PLXNA4: variants seen among roughly 807,000 people sequenced by gnomAD.
PLXNA4 encodes the protein plexin-A4.
Under a neutral mutation model 191.8 loss-of-function variants are expected in PLXNA4, and 44 were observed. The ratio of observed to expected loss-of-function variants is 0.23; its 90% CI spans 0.18 to 0.29. PLXNA4 has a LOEUF of 0.29. PLXNA4 is among the 10% of genes least tolerant of loss of function. The probability of loss-of-function intolerance (pLI) is 1.00; values close to 1 mark genes in which losing one functional copy is unlikely to be tolerated. For missense variants in PLXNA4, 1,800 were observed against 2,488.8 expected, an observed-to-expected ratio of 0.72 and a Z score of 5.89; for synonymous variants, 1,082 against 1,009.5, an observed-to-expected ratio of 1.07 and a Z score of -1.36.
At chr7:132,278,931 G>A (rs1350804530) in intron 4 of PLXNA4, among the ~76,000 whole-genome samples, 5 of 152,138 alleles carry the variant, frequency 3.3e-5, no homozygotes, top group Admixed American at 3.3e-4. Flanking sequence ...AGGGCTTCAG[G>A]CAAGGAGAGG....
At chr7:132,213,604 C>G (rs1365817477) in intron 9 of PLXNA4, among the ~76,000 whole-genome samples, 1 of 152,152 alleles carries the variant, frequency 6.6e-6, no homozygotes, top group African/African-American at 2.4e-5. Flanking sequence ...ATGTGGCACA[C>G]AGAGGAAAGA....
At chr7:132,352,898 G>A (rs547530519) in intron 3 of PLXNA4, among the ~76,000 whole-genome samples, 4 of 152,020 alleles carry the variant, frequency 2.6e-5, no homozygotes, top group African/African-American at 9.7e-5. Flanking sequence ...AGTCAAGTAC[G>A]TTGCAAAATA....
chr7:132,364,027 G>A (rs1804055578), intron 3 of PLXNA4, among the ~76,000 whole-genome samples: 1 of 152,224 alleles, frequency 6.6e-6, no homozygotes, highest in Non-Finnish European at 1.5e-5. Flanking sequence ...CACTCGTCTG[G>A]TGTGGTCCCT....
intron 2 of PLXNA4, among the ~76,000 whole-genome samples, chr7:132,613,587 C>T (rs1803094605): frequency 6.6e-6 from 1 of 152,132 alleles, no homozygotes; most frequent in Non-Finnish European, 1.5e-5. Flanking sequence ...ACAGTGTGCT[C>T]CTGTGGTGTG....
chr7:132,526,619 C>A (rs1046371073), intron 1 of PLXNA4, among the ~76,000 whole-genome samples: 2 of 152,200 alleles, frequency 1.3e-5, no homozygotes, highest in South Asian at 2.1e-4. Context: ...GTACTCCTGG[C>A]GCCCCTGTTG....
chr7:132,319,554 T>G (rs982292573), intron 3 of PLXNA4, among the ~76,000 whole-genome samples: 9 of 152,182 alleles, frequency 5.9e-5, no homozygotes, highest in Admixed American at 5.9e-4. Flanking sequence ...TCCTTGTAAT[T>G]TATAATTCTC....
In PLXNA4 at chr7:132,231,738, C is replaced by A. The variant is rs538344784; in HGVS notation, c.1605-3269G>T. On this transcript the variant is annotated intron_variant, in intron 5 of 31. Transcript: ENST00000321063. Reference sequence around the variant, plus strand: ...CCATGCCCAGCCCAGAACCACACATCTTCTCCATGACTGGCCCTTGGGGCA... The same window carrying A: ...CCATGCCCAGCCCAGAACCACACATATTCTCCATGACTGGCCCTTGGGGCA... 5.1e-4 allele frequency among the ~76,000 whole-genome samples: 77 copies of A among 152,352 alleles called. 1 individual carries two copies. In the Middle Eastern group the frequency reaches 0.014, roughly 27 times the overall value.
At chr7:132,271,628 G>T (rs903684151) in intron 4 of PLXNA4, among the ~76,000 whole-genome samples, 2 of 152,056 alleles carry the variant, frequency 1.3e-5, no homozygotes, top group Admixed American at 6.6e-5. Flanking sequence ...GATAATCAGA[G>T]TTCTATGTAT....
At chr7:132,502,664 A>C (rs1460911496) in intron 2 of PLXNA4, among the ~76,000 whole-genome samples, 3 of 152,154 alleles carry the variant, frequency 2.0e-5, no homozygotes, top group African/African-American at 7.2e-5. Flanking sequence ...CCAAGCTGAG[A>C]ATTAGGATAC....
In PLXNA4 at chr7:132,227,538, A is replaced by T; in HGVS notation, c.1795T>A (p.Ser599Thr). ...AGVNCTFEDL[S>T]EMDGLVVGNQ... ...CCCACGACCAGCCCATCCATCTCTG[A>T]CAGGTCCTCAAAGGTGCAGTTGACG... Residue 599 changes from serine to threonine, a missense_variant, in exon 7 of 32, where the codon TCA (serine) becomes ACA (threonine). This residue lies in a region of PLXNA4 where 1,397 missense variants were observed against 1,880.4 expected (regional missense o/e 0.74). Coordinates refer to ENST00000321063, the MANE Select transcript of PLXNA4 (RefSeq NM_020911.2). 1 of 1,614,178 alleles carries T rather than the reference A, an allele frequency of 6.2e-7. No individual in the cohort carries two copies. Among genetic ancestry groups the T allele is most frequent in the Non-Finnish European group, 8.5e-7 (1 of 1,180,044 alleles).
chr7:132,181,528 G>GGTCA lies in PLXNA4; in HGVS notation c.3344_3345insTGAC (p.Glu1116AspfsTer31). 1 of 1,614,122 alleles carries GGTCA rather than the reference G, an allele frequency of 6.2e-7. No individual in the cohort carries two copies. The highest frequency in any genetic ancestry group is 8.5e-7 in the Non-Finnish European group (1 of 1,180,030). On this transcript the variant is annotated frameshift_variant, in exon 18 of 32. Transcript: ENST00000321063. LOFTEE classifies it high-confidence loss of function. ...TGTCCAGGATGAAGCCAAACTCCTC[G>GGTCA]GGCCTCTCGGTCAGGTCTGACTGGT...
Position 132,128,698 on chromosome 7 carries a change from C to T in PLXNA4, c.*1781G>A, listed in dbSNP as rs1233155514. The T allele has an allele frequency of 6.6e-6, 1 of 152,222 alleles. No individual in the cohort carries two copies. Among genetic ancestry groups the T allele is most frequent in the African/African-American group, 2.4e-5 (1 of 41,444 alleles). 9.4% of individuals were successfully genotyped at this position (152,222 alleles called of 1,614,324 possible). A position where few individuals can be genotyped will look rare whatever the true frequency, so the allele number is the denominator to read the frequency against. On this transcript the variant is annotated 3_prime_UTR_variant, in exon 32 of 32. Transcript: ENST00000321063. The stretch of plus-strand genomic sequence containing the variant: ...AGTGTTCTTAAAAGTACCGGATGCT[C>T]CATGGACTTTGCTGGAAATGGTGTG...
chr7:132,252,746 A>T (rs1167958916), intron 4 of PLXNA4, among the ~76,000 whole-genome samples: 1 of 152,138 alleles, frequency 6.6e-6, no homozygotes, highest in Non-Finnish European at 1.5e-5. Flanking sequence ...AAATACCAGC[A>T]CCTAGACACC....
intron 4 of PLXNA4, among the ~76,000 whole-genome samples, chr7:132,296,471 T>C (rs1348394797): frequency 2.6e-5 from 4 of 151,232 alleles, no homozygotes; most frequent in Non-Finnish European, 5.9e-5. Context: ...AAAGTCTTGC[T>C]ATGTTGCCCA....
chr7:132,442,181 C>A (rs1795722362), intron 3 of PLXNA4, among the ~76,000 whole-genome samples: 1 of 152,166 alleles, frequency 6.6e-6, no homozygotes, highest in South Asian at 2.1e-4. Context: ...TCTGAAAGAG[C>A]AGAGAATGAG....
rs557410816 is a variant in PLXNA4 at position 132,488,109 on chromosome 7, T to C, written c.1371+1183A>G. Among the ~76,000 whole-genome samples the C allele has an allele frequency of 8.5e-5, 13 of 152,226 alleles. 1 individual carries two copies. The South Asian group carries it at 2.1e-3, about 24-fold the overall frequency. On this transcript the variant is annotated intron_variant, in intron 3 of 31. Coordinates refer to ENST00000321063, the MANE Select transcript of PLXNA4 (RefSeq NM_020911.2). ...ACCATGGTGTTTCCCCAGTGCTCATTGTTTTCTTTCCCAGTCATTACCCAT... is the reference window on the plus strand; with the variant it reads ...ACCATGGTGTTTCCCCAGTGCTCATCGTTTTCTTTCCCAGTCATTACCCAT...
intron 2 of PLXNA4, among the ~76,000 whole-genome samples, chr7:132,593,798 T>C (rs909352442): frequency 6.6e-6 from 1 of 152,156 alleles, no homozygotes; most frequent in Non-Finnish European, 1.5e-5. Context: ...GGCCATACAA[T>C]AGGGGATTTC....
chr7:132,373,984 C>T (rs993421631), intron 3 of PLXNA4, among the ~76,000 whole-genome samples: 25 of 152,178 alleles, frequency 1.6e-4, no homozygotes, highest in African/African-American at 6.0e-4. Flanking sequence ...GGGGGCTCCC[C>T]ACACTCCAGT....
At chr7:132,465,685 G>A (rs1022964817) in intron 3 of PLXNA4, among the ~76,000 whole-genome samples, 1 of 152,180 alleles carries the variant, frequency 6.6e-6, no homozygotes, top group African/African-American at 2.4e-5. Context: ...CCAGGATCAT[G>A]GGGCCTGGGA....
Sources: gnomAD v4.1 joint callset for allele counts (sites outside exome capture counted in the v4.1 genomes callset) on GRCh38, gnomAD v4.1.1 for gene constraint, gnomAD v4.1.1 regional missense constraint, MANE v1.5 for transcripts, NCBI Gene and HGNC (gene_info 2026-07-23, HGNC 2026-07-21) for gene names.